The following DPP10 variants were observed in gnomAD, a reference collection of about 807,000 sequenced individuals.
The protein encoded by DPP10 is dipeptidyl peptidase like 10.
DPP10 carries 33 observed loss-of-function variants against 120.9 expected under a neutral mutation model. The ratio of observed to expected loss-of-function variants is 0.27; its 90% CI spans 0.21 to 0.37. The LOEUF (loss-of-function observed/expected upper bound fraction) is 0.37. Ranked by LOEUF, DPP10 falls within the 10% of genes least tolerant of loss-of-function variation. The probability of loss-of-function intolerance (pLI) is 1.00; values close to 1 mark genes in which losing one functional copy is unlikely to be tolerated. For synonymous variants in DPP10, 337 were observed against 326.1 expected (o/e 1.03, Z -0.36); for missense variants, 816 against 942.8 (o/e 0.87, Z 1.76).
intron 1 of DPP10, among the ~76,000 whole-genome samples, chr2:114,991,109 T>C (rs1049560475): frequency 6.6e-6 from 1 of 152,190 alleles, no homozygotes; most frequent in South Asian, 2.1e-4. Context: ...ATTAATATTA[T>C]TTGGAAACTT....
chr2:114,613,404 A>G (rs1036889835), intron 1 of DPP10, among the ~76,000 whole-genome samples: 4 of 152,188 alleles, frequency 2.6e-5, no homozygotes, highest in Non-Finnish European at 5.9e-5. Flanking sequence ...CGGAGTTGGA[A>G]TTAAAACCCA....
At chr2:115,167,604 CAAAA>C (rs59031977) in intron 1 of DPP10, among the ~76,000 whole-genome samples, 2 of 48,550 alleles carry the variant, frequency 4.1e-5, no homozygotes, top group African/African-American at 6.2e-5. Flanking sequence ...GAGACCGTCT[CAAAA>C]AAAAAAAAAA....
chr2:115,821,016 A>G (rs1349782638), intron 21 of DPP10, among the ~76,000 whole-genome samples: 4 of 152,150 alleles, frequency 2.6e-5, no homozygotes, highest in Admixed American at 6.5e-5. Flanking sequence ...TGGTAGTTCT[A>G]CTTTTAGTTC....
At chr2:115,652,438 T>G (rs1314962651) in intron 5 of DPP10, among the ~76,000 whole-genome samples, 1 of 151,660 alleles carries the variant, frequency 6.6e-6, no homozygotes, top group African/African-American at 2.4e-5. Context: ...TGTGTGTGTG[T>G]GTGTATTCCT....
At position 115,815,039 on chromosome 2, in the gene DPP10, G is replaced by C. The variant is rs939442688; in HGVS notation, c.1895+52G>C. The stretch of plus-strand genomic sequence containing the variant: ...TGTTTTCTATAATGACAGAGTCTTG[G>C]TATATGACATATAATATTACTAACC... On this transcript the variant is annotated intron_variant, in intron 20 of 25. Transcript: ENST00000410059. 2.7e-6 allele frequency: 4 copies of C among 1,505,846 alleles called. No individual in the cohort carries two copies. In the Admixed American group the frequency reaches 7.1e-5, roughly 27 times the overall value. 93.3% of individuals were successfully genotyped at this position (1,505,846 alleles called of 1,614,324 possible).
chr2:114,702,210 T>C lies in DPP10; in HGVS notation c.60+259372T>C, dbSNP rs534410767. 3.3e-5 allele frequency among the ~76,000 whole-genome samples: 5 copies of C among 152,256 alleles called. No homozygotes were observed. The South Asian group carries it at 1.0e-3, about 32-fold the overall frequency. ...TTTGTTGTACTTAGTAGGTATTCAG[T>C]ACAAATATATTGCATGAGTCTACCA... On this transcript the variant is annotated intron_variant, in intron 1 of 25. Transcript: ENST00000410059.
intron 3 of DPP10, among the ~76,000 whole-genome samples, chr2:115,485,389 A>G (rs1036782539): frequency 6.6e-6 from 1 of 152,152 alleles, no homozygotes; most frequent in Non-Finnish European, 1.5e-5. Flanking sequence ...TTTTGATATT[A>G]GTAACCATCC....
intron 1 of DPP10, among the ~76,000 whole-genome samples, chr2:114,623,581 A>G (rs1049012299): frequency 6.6e-6 from 1 of 152,096 alleles, no homozygotes; most frequent in Non-Finnish European, 1.5e-5. Context: ...TTTATTCAAC[A>G]AAAAGGTGGC....
At chr2:115,784,231 G>A (rs1683091958) in intron 17 of DPP10, among the ~76,000 whole-genome samples, 1 of 152,078 alleles carries the variant, frequency 6.6e-6, no homozygotes, top group African/African-American at 2.4e-5. Context: ...AAAATTTATA[G>A]TCAATGGCAA....
At chr2:115,407,663 A>G (rs984404254) in intron 3 of DPP10, among the ~76,000 whole-genome samples, 1 of 150,406 alleles carries the variant, frequency 6.6e-6, no homozygotes, top group Admixed American at 6.6e-5. Context: ...GGGAGGCTGA[A>G]AGCCCACTGG....
At chr2:115,543,791 A>G (rs1220546022) in intron 5 of DPP10, among the ~76,000 whole-genome samples, 1 of 152,056 alleles carries the variant, frequency 6.6e-6, no homozygotes, top group East Asian at 1.9e-4. Context: ...ATTCAGACAC[A>G]GTCAATGAGC....
chr2:115,622,188 C>A (rs1016672378), intron 5 of DPP10, among the ~76,000 whole-genome samples: 1 of 152,168 alleles, frequency 6.6e-6, no homozygotes, highest in Non-Finnish European at 1.5e-5. Flanking sequence ...GTCCACCCCT[C>A]ATGCAGCCCC....
chr2:115,037,929 G>A (rs1277282033), intron 1 of DPP10, among the ~76,000 whole-genome samples: 1 of 152,146 alleles, frequency 6.6e-6, no homozygotes, highest in Non-Finnish European at 1.5e-5. Flanking sequence ...GGTGTGTGCT[G>A]TGGGAGACAC....
chr2:115,805,284 A>C, intron 19 of DPP10, among the ~76,000 whole-genome samples: 1 of 152,054 alleles, frequency 6.6e-6, no homozygotes, highest in East Asian at 1.9e-4. Context: ...TTGGAAAAGC[A>C]AAGTATTAGG....
intron 5 of DPP10, among the ~76,000 whole-genome samples, chr2:115,673,931 G>A (rs2090086876): frequency 6.6e-6 from 1 of 152,182 alleles, no homozygotes; most frequent in Admixed American, 6.5e-5. Context: ...GAGGAAAGTG[G>A]CCAGGCATGG....
intron 1 of DPP10, among the ~76,000 whole-genome samples, chr2:115,102,676 C>G (rs1004974458): frequency 6.7e-6 from 1 of 150,304 alleles, no homozygotes; most frequent in East Asian, 2.0e-4. Flanking sequence ...CCCAAGGTGC[C>G]GGGATTAGAG....
intron 3 of DPP10, among the ~76,000 whole-genome samples, chr2:115,478,682 T>A (rs909526734): frequency 2.0e-5 from 3 of 152,054 alleles, no homozygotes; most frequent in Admixed American, 2.0e-4. Flanking sequence ...CCAGAACATA[T>A]AGAAAATGCC....
At chr2:115,840,948 A>G in intron 25 of DPP10, 125 bp downstream of exon 25, 1 of 734,998 alleles carries the variant, frequency 1.4e-6, no homozygotes, top group Non-Finnish European at 2.1e-6. Flanking sequence ...TTTAGTTACC[A>G]AAGATTGTGT....
chr2:114,582,551 C>T (rs1293149617), intron 1 of DPP10, among the ~76,000 whole-genome samples: 1 of 152,184 alleles, frequency 6.6e-6, no homozygotes, highest in Admixed American at 6.5e-5. Flanking sequence ...TTCTGTATTA[C>T]CATCACCAAT....
Sources: allele counts gnomAD v4.1 joint callset (sites outside exome capture counted in the v4.1 genomes callset), GRCh38; gene constraint gnomAD v4.1.1; transcripts MANE v1.5; gene names NCBI Gene and HGNC (gene_info 2026-07-23, HGNC 2026-07-21).